The following LY9 variants were observed in gnomAD, a reference collection of about 807,000 sequenced individuals.
The protein encoded by LY9 is lymphocyte antigen 9, also known as T-lymphocyte surface antigen Ly-9.
A neutral mutation model predicts 64.6 loss-of-function variants in LY9; 59 were observed. The ratio of observed to expected loss-of-function variants is 0.91; its 90% CI spans 0.74 to 1.13. The LOEUF (loss-of-function observed/expected upper bound fraction) is 1.13. Among genes scored for constraint, LY9 ranks in the 50% most tolerant of loss-of-function variants. The pLI, the probability that LY9 is intolerant of heterozygous loss-of-function variation, is 0.00. For missense variants in LY9, 789 were observed against 797.2 expected, an observed-to-expected ratio of 0.99 and a Z score of 0.12; for synonymous variants, 281 against 308.5, an observed-to-expected ratio of 0.91 and a Z score of 0.93.
At chr1:160,805,739 T>TCACACA (rs1491182156) in intron 2 of LY9, among the ~76,000 whole-genome samples, 21 of 111,952 alleles carry the variant, frequency 1.9e-4, no homozygotes, top group Middle Eastern at 4.5e-3. Context: ...TCTCTCTCTG[T>TCACACA]CTCACACACA....
intron 2 of LY9, chr1:160,802,522 A>G: frequency 1.0e-6 from 1 of 985,522 alleles, no homozygotes; most frequent in Non-Finnish European, 1.2e-6. Context: ...GCACCAACTC[A>G]GTGTTTGTCA....
chr1:160,802,468 A>G, intron 2 of LY9: 1 of 985,714 alleles, frequency 1.0e-6, no homozygotes, highest in Non-Finnish European at 1.2e-6. Flanking sequence ...GCGGGGCTGC[A>G]CCCATGATGC....
intron 2 of LY9, among the ~76,000 whole-genome samples, chr1:160,805,226 T>C (rs906706188): frequency 2.0e-5 from 3 of 152,128 alleles, no homozygotes; most frequent in Non-Finnish European, 4.4e-5. Context: ...ATTTTTCATG[T>C]AGGCATTTAT....
chr1:160,824,625 A>C, intron 9 of LY9: 1 of 983,542 alleles, frequency 1.0e-6, no homozygotes, highest in Non-Finnish European at 1.2e-6. Context: ...TAACAATTTA[A>C]CAACAAGAAT....
chr1:160,814,788 A>T (rs1237659599), intron 4 of LY9, 27 bp downstream of exon 4: 3 of 1,573,552 alleles, frequency 1.9e-6, no homozygotes, highest in Non-Finnish European at 2.6e-6. Context: ...GGCACCCATC[A>T]CCAGATTCCT....
intron 7 of LY9, 122 bp from the exon 8 acceptor site, chr1:160,823,343 A>G (rs1668621208): frequency 1.5e-6 from 1 of 658,428 alleles, no homozygotes; most frequent in African/African-American, 1.8e-5. Flanking sequence ...GGACAAAACA[A>G]TCTCCTTCGG....
chr1:160,803,544 G>A (rs964761764), intron 2 of LY9, among the ~76,000 whole-genome samples: 13 of 152,136 alleles, frequency 8.5e-5, no homozygotes, highest in African/African-American at 2.6e-4. Flanking sequence ...TTTTTTAATA[G>A]CTATTATAAA....
At chr1:160,803,187 C>T (rs558305498) in intron 2 of LY9, among the ~76,000 whole-genome samples, 1 of 152,092 alleles carries the variant, frequency 6.6e-6, no homozygotes, top group East Asian at 1.9e-4. Flanking sequence ...AAGTCTGAGG[C>T]GGGAGAATCA....
intron 8 of LY9, 85 bp from the exon 9 acceptor site, chr1:160,824,096 G>A: frequency 6.5e-7 from 1 of 1,547,724 alleles, no homozygotes. Flanking sequence ...AAGCCAGGGG[G>A]TATCCCCTCT....
At chr1:160,798,400 G>T (rs985784906) in intron 1 of LY9, among the ~76,000 whole-genome samples, 4 of 152,100 alleles carry the variant, frequency 2.6e-5, no homozygotes, top group African/African-American at 9.7e-5. Context: ...GTAAAAAGGG[G>T]CTAATTATAG....
Position 160,823,431 on chromosome 1 carries a change from C to A in LY9, c.1499-34C>A. ...AAAGCAAGAAGAGAGGTGGGGTTGG[C>A]ATACTTTTATCAGCCCTGCACAATG... On this transcript the variant is annotated intron_variant, in intron 7 of 9. Coordinates refer to ENST00000263285, the MANE Select transcript of LY9 (RefSeq NM_002348.4). The A allele has an allele frequency of 1.3e-6, 2 of 1,533,106 alleles. 1 individual carries two copies. The highest frequency in any genetic ancestry group is 2.4e-5 in the South Asian group (2 of 84,416). 95.0% of individuals were successfully genotyped at this position (1,533,106 alleles called of 1,614,324 possible).
chr1:160,825,610 A>G (rs1413625192), intron 9 of LY9, among the ~76,000 whole-genome samples: 1 of 152,126 alleles, frequency 6.6e-6, no homozygotes, highest in African/African-American at 2.4e-5. Context: ...TCAAAAAAAT[A>G]TTTTTTAAAA....
In LY9 at chr1:160,814,510, G is replaced by C. The variant is rs1392935576; in HGVS notation, c.821G>C (p.Cys274Ser). The C allele has an allele frequency of 1.2e-6, 2 of 1,614,012 alleles. No individual in the cohort carries two copies. Among genetic ancestry groups the C allele is most frequent in the African/African-American group, 2.7e-5 (2 of 74,896 alleles). ...ACCCTGCCACTTGCACTCCCAGCCT[G>C]CCGGGACACAGAGAAGGTTGTCTGG... ...PVTLPLALPACRDTEKVVWLF... is the reference protein window; with the variant it reads ...PVTLPLALPASRDTEKVVWLF... The change falls in exon 4 of 10, where the codon TGC becomes TCC. Residue 274 changes from cysteine to serine, a missense_variant. Physicochemically the swap from Cys to Ser is moderately radical, Grantham distance 112. Transcript: ENST00000263285.
chr1:160,801,004 A>AT (rs1257905379), intron 2 of LY9, among the ~76,000 whole-genome samples: 1 of 152,242 alleles, frequency 6.6e-6, no homozygotes, highest in Admixed American at 6.5e-5. Flanking sequence ...GCTATTGAGA[A>AT]TAGTGCTGCA....
intron 2 of LY9, among the ~76,000 whole-genome samples, chr1:160,806,632 A>G (rs1667016257): frequency 1.3e-5 from 2 of 152,270 alleles, no homozygotes; most frequent in Admixed American, 1.3e-4. Flanking sequence ...ATAGGTGGCT[A>G]GATGTTTTTC....
rs566074136 is a variant in LY9, at chr1:160,827,957, C to G, written c.*141C>G. The G allele has an allele frequency of 2.8e-5, 18 of 643,354 alleles. No individual in the cohort carries two copies. The highest frequency in any genetic ancestry group is 4.1e-5 in the Non-Finnish European group (15 of 367,002). 39.9% of individuals were successfully genotyped at this position (643,354 alleles called of 1,614,324 possible). ...GAGATGCCTGGATGTGGCCCCTCCC[C>G]CTCCTTCTCACCCTTAAGGACTCCC... On this transcript the variant is annotated 3_prime_UTR_variant, in exon 10 of 10. Coordinates refer to ENST00000263285, the MANE Select transcript of LY9 (RefSeq NM_002348.4).
chr1:160,801,894 C>A, intron 2 of LY9: 11 of 1,613,910 alleles, frequency 6.8e-6, no homozygotes, highest in Non-Finnish European at 9.3e-6. Context: ...GGCTGAGCCA[C>A]GTGTGAGCGT....
intron 2 of LY9, chr1:160,809,826 A>G (rs1667327962): frequency 6.6e-6 from 1 of 152,166 alleles, no homozygotes; most frequent in Non-Finnish European, 1.5e-5. Context: ...ATAGTATTTC[A>G]TGGCTTAAAT....
chr1:160,822,255 C>G (rs1328018147), intron 7 of LY9, among the ~76,000 whole-genome samples: 1 of 142,872 alleles, frequency 7.0e-6, no homozygotes, highest in Non-Finnish European at 1.5e-5. Context: ...GGGGTGGGGA[C>G]CGGCTGCTGG....
Sources: allele counts gnomAD v4.1 joint callset (sites outside exome capture counted in the v4.1 genomes callset), GRCh38; gene constraint gnomAD v4.1.1; transcripts MANE v1.5; gene names NCBI Gene and HGNC (gene_info 2026-07-23, HGNC 2026-07-21).